RTN1: variants seen among roughly 807,000 people sequenced by gnomAD.
RTN1 encodes reticulon 1, also known as reticulon-1.
In RTN1, 25 loss-of-function variants were observed where a neutral mutation model predicts 65.5. That is an observed-to-expected ratio of 0.38 (90% confidence interval 0.28 to 0.53). The LOEUF (loss-of-function observed/expected upper bound fraction) is 0.53. Among genes scored for constraint, RTN1 ranks in the 20% least tolerant of loss-of-function variants. The pLI, the probability that RTN1 is intolerant of heterozygous loss-of-function variation, is 0.79. For synonymous variants in RTN1, 471 were observed against 447.6 expected (o/e 1.05, Z -0.66); for missense variants, 983 against 1,025.4 (o/e 0.96, Z 0.57).
chr14:59,762,146 T>C (rs992209474), intron 1 of RTN1, among the ~76,000 whole-genome samples: 1 of 152,084 alleles, frequency 6.6e-6, no homozygotes, highest in Non-Finnish European at 1.5e-5. Flanking sequence ...TGGTGTGGTA[T>C]GCTTCATGGT....
At chr14:59,685,669 C>A (rs1229335706) in intron 3 of RTN1, among the ~76,000 whole-genome samples, 1 of 151,936 alleles carries the variant, frequency 6.6e-6, no homozygotes, top group Non-Finnish European at 1.5e-5. Context: ...TTGAAAAAGA[C>A]ACAAATAAAT....
chr14:59,789,737 G>A (rs189031740), intron 1 of RTN1, among the ~76,000 whole-genome samples: 5 of 152,104 alleles, frequency 3.3e-5, no homozygotes, highest in Admixed American at 3.3e-4. Context: ...TGCACAAGGA[G>A]ACATCTAGGA....
At chr14:59,814,138 C>T (rs969023559) in intron 1 of RTN1, among the ~76,000 whole-genome samples, 3 of 152,066 alleles carry the variant, frequency 2.0e-5, no homozygotes, top group Admixed American at 2.0e-4. Flanking sequence ...GTTGCTGTAC[C>T]CTCAGATATC....
At chr14:59,608,620 C>T (rs1881842257) in intron 3 of RTN1, among the ~76,000 whole-genome samples, 2 of 152,154 alleles carry the variant, frequency 1.3e-5, no homozygotes, top group South Asian at 4.1e-4. Context: ...AAAAGAGTCT[C>T]CTTCATAACA....
chr14:59,832,237 A>G (rs2139642466), intron 1 of RTN1, among the ~76,000 whole-genome samples: 1 of 151,792 alleles, frequency 6.6e-6, no homozygotes, highest in South Asian at 2.1e-4. Flanking sequence ...AATAACCAAC[A>G]CTCTTTTCCA....
chr14:59,731,473 A>T (rs1031752894), intron 2 of RTN1, among the ~76,000 whole-genome samples: 2 of 152,174 alleles, frequency 1.3e-5, no homozygotes, highest in African/African-American at 4.8e-5. Flanking sequence ...CATTTAAATG[A>T]ATTGTATAGT....
rs1429046276 is a variant in RTN1, at chr14:59,746,340, T to C, written c.383A>G (p.Gln128Arg). The C allele has an allele frequency of 6.2e-7, 1 of 1,614,210 alleles. No individual in the cohort carries two copies. Among genetic ancestry groups the C allele is most frequent in the Non-Finnish European group, 8.5e-7 (1 of 1,180,034 alleles). ...AATGGTGACGTGGCCATTTTCCTTC[T>C]GAAGAATTCCAGTAAAATATGTAGA... ...EDSTYFTGIL[Q>R]KENGHVTISE... The change falls in exon 2 of 9, where the codon CAG becomes CGG. Residue 128 changes from glutamine (Q) to arginine (R), a missense_variant. Gln to Arg is a conservative substitution (Grantham distance 43, BLOSUM62 1). Transcript: ENST00000267484.
intron 1 of RTN1, among the ~76,000 whole-genome samples, chr14:59,781,197 A>C (rs115537767): frequency 0.011 from 1,649 of 152,038 alleles, 23 homozygotes; most frequent in African/African-American, 0.038. Flanking sequence ...GCCAGAGCCC[A>C]TGCTCCCCAT....
chr14:59,686,251 G>A (rs1883844818), intron 3 of RTN1, among the ~76,000 whole-genome samples: 1 of 152,136 alleles, frequency 6.6e-6, no homozygotes, highest in Non-Finnish European at 1.5e-5. Context: ...CTGTGACACT[G>A]GCCTGGGCGA....
chr14:59,731,292 A>AT (rs746816237), intron 2 of RTN1, among the ~76,000 whole-genome samples: 2 of 152,218 alleles, frequency 1.3e-5, no homozygotes, highest in Non-Finnish European at 2.9e-5. Context: ...AATGTCCAGA[A>AT]TAAGTAAATT....
intron 3 of RTN1, among the ~76,000 whole-genome samples, chr14:59,684,702 A>AT (rs958118238): frequency 2.0e-5 from 3 of 151,866 alleles, no homozygotes; most frequent in South Asian, 2.1e-4. Context: ...CCTCCTTGAG[A>AT]TTTTTTTTAT....
intron 3 of RTN1, among the ~76,000 whole-genome samples, chr14:59,634,857 G>T (rs573043791): frequency 9.5e-4 from 144 of 152,154 alleles, no homozygotes; most frequent in Non-Finnish European, 1.7e-3. Context: ...GAGTCATGGG[G>T]ATTTCCTGGC....
intron 2 of RTN1, among the ~76,000 whole-genome samples, chr14:59,738,766 G>C (rs1245878075): frequency 1.3e-5 from 2 of 152,178 alleles, no homozygotes; most frequent in Admixed American, 6.5e-5. Flanking sequence ...GCTCATCAAT[G>C]ATAGACTGGA....
intron 3 of RTN1, among the ~76,000 whole-genome samples, chr14:59,639,046 C>T (rs540210086): frequency 1.4e-4 from 22 of 152,132 alleles, no homozygotes; most frequent in Non-Finnish European, 2.5e-4. Context: ...ACTTAGAAGC[C>T]ACTGTAGGGT....
At position 59,849,999 on chromosome 14, in the gene RTN1, CTCCTT is replaced by C. The variant is rs1401838661; in HGVS notation, c.241+20386_241+20390del. Among the ~76,000 whole-genome samples, 1 of 152,166 alleles carries C rather than the reference CTCCTT, an allele frequency of 6.6e-6. No homozygotes were observed. Among genetic ancestry groups the C allele is most frequent in the Non-Finnish European group, 1.5e-5 (1 of 68,030 alleles). ...TGTGTCCATTCCAGGGGCCAAGCCT[CTCCTT>C]TCACCGCCACCTCTTCCCAGCCCCA... On this transcript the variant is annotated intron_variant, in intron 1 of 8. Coordinates refer to ENST00000267484, the MANE Select transcript of RTN1 (RefSeq NM_021136.3). The surrounding 1 kb of genome is among the most constrained non-coding windows in gnomAD (Gnocchi z 4.5).
intron 8 of RTN1, among the ~76,000 whole-genome samples, chr14:59,597,123 AAG>A (rs1410080830): frequency 6.6e-6 from 1 of 152,206 alleles, no homozygotes; most frequent in Non-Finnish European, 1.5e-5. Flanking sequence ...ACACTTCAGA[AAG>A]AGAGAGAAAG....
intron 1 of RTN1, among the ~76,000 whole-genome samples, chr14:59,851,906 A>G (rs1186909870): frequency 6.6e-6 from 1 of 152,030 alleles, no homozygotes; most frequent in Non-Finnish European, 1.5e-5. Flanking sequence ...GAGAATTGAT[A>G]TGCAAACATC....
intron 3 of RTN1, among the ~76,000 whole-genome samples, chr14:59,652,450 T>A (rs561230526): frequency 8.6e-4 from 131 of 152,150 alleles, no homozygotes; most frequent in Non-Finnish European, 1.5e-3. Flanking sequence ...AATGGCAGAT[T>A]GGATAAAGAA....
intron 3 of RTN1, among the ~76,000 whole-genome samples, chr14:59,678,576 C>G (rs892915253): frequency 6.6e-6 from 1 of 152,162 alleles, no homozygotes; most frequent in African/African-American, 2.4e-5. Flanking sequence ...TGCTTTTTCC[C>G]ACATACTGAG....
Sources: allele counts gnomAD v4.1 joint callset (sites outside exome capture counted in the v4.1 genomes callset), GRCh38; gene constraint gnomAD v4.1.1; non-coding constraint Gnocchi (gnomAD v3.1); transcripts MANE v1.5; gene names NCBI Gene and HGNC (gene_info 2026-07-23, HGNC 2026-07-21).